Variants in COL16A1 observed in about 807,000 individuals in gnomAD.
COL16A1 encodes the protein collagen type XVI alpha 1 chain, also known as collagen alpha-1(XVI) chain.
In COL16A1, 189 loss-of-function variants were observed where a neutral mutation model predicts 266.3. That is an observed-to-expected ratio of 0.71 (90% CI 0.63 to 0.80). The LOEUF (loss-of-function observed/expected upper bound fraction) is 0.80. Ranked by LOEUF, COL16A1 falls within the 30% of genes least tolerant of loss-of-function variation. The pLI, the probability that COL16A1 is intolerant of heterozygous loss-of-function variation, is 0.00. For synonymous variants in COL16A1, 740 were observed against 782.3 expected (o/e 0.95, Z 0.90); for missense variants, 1,928 against 2,122.4 (o/e 0.91, Z 1.80).
In COL16A1 at chr1:31,685,987, C is replaced by A; in HGVS notation, c.1884+104G>T. The stretch of plus-strand genomic sequence containing the variant: ...GCCTTGCTAAGGAGTCAGACTCTGC[C>A]CGACAGACAGCAAGGAGCCCCAGAG... On this transcript the variant is annotated intron_variant, in intron 28 of 70. Coordinates refer to ENST00000373672, the MANE Select transcript of COL16A1 (RefSeq NM_001856.4). This position sits in a 1 kb window ranked among gnomAD's most constrained non-coding sequence, Gnocchi z 4.0. The A allele has an allele frequency of 1.3e-6, 2 of 1,547,624 alleles. No individual in the cohort carries two copies. The highest frequency in any genetic ancestry group is 1.8e-5 in the Admixed American group (1 of 54,294).
intron 55 of COL16A1, 37 bp downstream of exon 55, chr1:31,665,546 C>T: frequency 3.7e-6 from 6 of 1,614,108 alleles, no homozygotes; most frequent in Non-Finnish European, 5.1e-6. Context: ...GATGAGACCA[C>T]ATCAGACAGA....
rs1411135098 is a variant in COL16A1 at position 31,652,771 on chromosome 1, G to A, written c.4695C>T (p.Pro1565=). 6.2e-7 allele frequency: 1 copy of A among 1,600,978 alleles called. No individual in the cohort carries two copies. The highest frequency in any genetic ancestry group is 8.5e-7 in the Non-Finnish European group (1 of 1,176,226). Residue 1565 remains proline (P), a synonymous_variant, in exon 71 of 71, where the codon CCC becomes CCT. Coordinates refer to ENST00000373672, the MANE Select transcript of COL16A1 (RefSeq NM_001856.4). The surrounding 1 kb of genome is among the most constrained non-coding windows in gnomAD (Gnocchi z 4.8). The part of the protein sequence containing the change: ...GQQGIPGIPG[P]PGPMGQPGKA... ...TGCCTGGCTGGCCCATGGGACCCGGGGGCCCAGGGATGCCAGGGATGCCTT... is the reference window on the plus strand; with the variant it reads ...TGCCTGGCTGGCCCATGGGACCCGGAGGCCCAGGGATGCCAGGGATGCCTT...
chr1:31,654,905 G>A, intron 67 of COL16A1, 47 bp from the exon 68 acceptor site: 1 of 1,608,722 alleles, frequency 6.2e-7, no homozygotes, highest in Non-Finnish European at 8.5e-7. Flanking sequence ...TCCAAGCCTG[G>A]CATTTTCCCC....
chr1:31,686,489 A>C, intron 26 of COL16A1: 1 of 719,368 alleles, frequency 1.4e-6, no homozygotes, highest in Non-Finnish European at 2.5e-6. Context: ...GCTTCACCTC[A>C]TGGAATCCAG....
rs1348760275 is a variant in COL16A1 at position 31,657,488 on chromosome 1, G to A, written c.4021-420C>T. On this transcript the variant is annotated intron_variant, in intron 64 of 70. Coordinates refer to ENST00000373672, the MANE Select transcript of COL16A1 (RefSeq NM_001856.4). The surrounding 1 kb of genome is among the most constrained non-coding windows in gnomAD (Gnocchi z 6.4). ...GCTGCTGGGGAAGAGGACTCTGATT[G>A]CTAGGCAAGTGGGAGATTCATCCAG... 2 of 184,228 alleles carry A rather than the reference G, an allele frequency of 1.1e-5. No individual in the cohort carries two copies. The highest frequency in any genetic ancestry group is 2.7e-4 in the South Asian group (2 of 7,450). 11.4% of individuals were successfully genotyped at this position (184,228 alleles called of 1,614,324 possible). A position where few individuals can be genotyped will look rare whatever the true frequency, so the allele number is the denominator to read the frequency against.
At chr1:31,666,471 TCTC>T (rs925837243) in intron 52 of COL16A1, 50 of 251,464 alleles carry the variant, frequency 2.0e-4, no homozygotes, top group Middle Eastern at 1.3e-3. Flanking sequence ...CCTTCCCACT[TCTC>T]CTCCCTCTCT....
In COL16A1 at chr1:31,672,535, G is replaced by C. The variant is rs780365653; in HGVS notation, c.3019-33C>G. 4 of 1,613,886 alleles carry C rather than the reference G, an allele frequency of 2.5e-6. No homozygotes were observed. The South Asian group carries it at 3.3e-5, about 13-fold the overall frequency. ...AGGATGGAGACGGTGATAGTGAGCA[G>C]TCAGGGCCTGTCCCTGTGGGGCATG... On this transcript the variant is annotated intron_variant, in intron 46 of 70. Transcript: ENST00000373672.
chr1:31,662,823 A>C, intron 56 of COL16A1, 165 bp from the exon 57 acceptor site: 1 of 656,754 alleles, frequency 1.5e-6, no homozygotes, highest in Non-Finnish European at 2.6e-6. Flanking sequence ...TATGTGCCAC[A>C]CGTCGCCTCC....
In COL16A1 at chr1:31,684,061, GA is replaced by G. The variant is rs1321821007; in HGVS notation, c.2283+47del. On this transcript the variant is annotated intron_variant, in intron 32 of 70. Transcript: ENST00000373672. Reference sequence around the variant, plus strand: ...ACAGGAGAAAGGGGGACAGGAGGGAGAGGAGGCAAAGCCCAGGCAGGGAAGG... The same window carrying G: ...ACAGGAGAAAGGGGGACAGGAGGGAGGGAGGCAAAGCCCAGGCAGGGAAGG... 4.3e-6 allele frequency: 7 copies of G among 1,613,136 alleles called. No individual in the cohort carries two copies. In the African/African-American group the frequency reaches 9.3e-5, roughly 22 times the overall value.
rs1353169974 is a variant in COL16A1, at chr1:31,666,050, G to T, written c.3389C>A (p.Pro1130His). ...GPPGSEGLPG[P>H]PGPAGPRGER... is the part of the protein sequence containing the mutation. Reference sequence around the variant, plus strand: ...TCCTTCACTCACCGCTGGGCCTGGGGGGCCTGGGAGGCCTTCAGATCCTGG... The same window carrying T: ...TCCTTCACTCACCGCTGGGCCTGGGTGGCCTGGGAGGCCTTCAGATCCTGG... The change falls in exon 53 of 71, where the codon CCC (proline) becomes CAC (histidine). Residue 1130 changes from proline to histidine, a missense_variant. Physicochemically the swap from Pro to His is moderately conservative, Grantham distance 77. This residue lies in a region of COL16A1 where 1,552 missense variants were observed against 1,637.2 expected (regional missense o/e 0.95). Coordinates refer to ENST00000373672, the MANE Select transcript of COL16A1 (RefSeq NM_001856.4). 2 of 1,613,036 alleles carry T rather than the reference G, an allele frequency of 1.2e-6. No homozygotes were observed. Among genetic ancestry groups the T allele is most frequent in the Non-Finnish European group, 8.5e-7 (1 of 1,179,724 alleles).
chr1:31,681,120 TCTGGCCTGCTG>T, intron 37 of COL16A1, 53 bp from the exon 38 acceptor site: 1 of 1,562,884 alleles, frequency 6.4e-7, no homozygotes, highest in South Asian at 1.2e-5. Flanking sequence ...CGGCCAGCCA[TCTGGCCTGCTG>T]CAGAAAAGGG....
At chr1:31,683,572 CT>C in intron 34 of COL16A1, 134 bp downstream of exon 34, 1 of 1,581,092 alleles carries the variant, frequency 6.3e-7, no homozygotes, top group Non-Finnish European at 8.6e-7. Flanking sequence ...GGGCTGCGGC[CT>C]GATCCCTGGT....
intron 2 of COL16A1, among the ~76,000 whole-genome samples, chr1:31,701,061 G>A (rs1378196238): frequency 6.6e-6 from 1 of 152,168 alleles, no homozygotes. Flanking sequence ...GGGAGAAGAC[G>A]GTGAAGACAG....
At chr1:31,660,883 C>CAGTTACAACCCTTAATAGGAGGGAGAA (rs1641596718) in intron 61 of COL16A1, among the ~76,000 whole-genome samples, 183 bp downstream of exon 61, 1 of 152,250 alleles carries the variant, frequency 6.6e-6, no homozygotes, top group Non-Finnish European at 1.5e-5. Flanking sequence ...GGAGCAGAAC[C>CAGTTACAACCCTTAATAGGAGGGAGAA]AGTTACAACC....
In COL16A1 at chr1:31,655,209, C is replaced by G. The variant is rs1333532071; in HGVS notation, c.4290+105G>C. ...AGAGCTGCCCTCTATGGGAGCCAGGCTCTTTCCCACAGAATGTCAGCAGGA... is the reference window on the plus strand; with the variant it reads ...AGAGCTGCCCTCTATGGGAGCCAGGGTCTTTCCCACAGAATGTCAGCAGGA... On this transcript the variant is annotated intron_variant, in intron 67 of 70. Coordinates refer to ENST00000373672, the MANE Select transcript of COL16A1 (RefSeq NM_001856.4). The G allele has an allele frequency of 3.3e-6, 5 of 1,500,244 alleles. No homozygotes were observed. In the Admixed American group the frequency reaches 1.2e-4, roughly 35 times the overall value. The allele number at this position is 1,500,244 out of a possible 1,614,324, so 92.9% of individuals were successfully genotyped here. A position where few individuals can be genotyped will look rare whatever the true frequency, so the allele number is the denominator to read the frequency against.
In COL16A1 at chr1:31,688,026, C is replaced by T. The variant is rs920015241; in HGVS notation, c.1803+441G>A. On this transcript the variant is annotated intron_variant, in intron 26 of 70. Coordinates refer to ENST00000373672, the MANE Select transcript of COL16A1 (RefSeq NM_001856.4). This position sits in a 1 kb window ranked among gnomAD's most constrained non-coding sequence, Gnocchi z 4.9. ...CTTCCTGGGCTCAATCCCAGCTCTGCATCCAATCACCTGGCAATTTACTTG... is the reference window on the plus strand; with the variant it reads ...CTTCCTGGGCTCAATCCCAGCTCTGTATCCAATCACCTGGCAATTTACTTG... 6.6e-6 allele frequency among the ~76,000 whole-genome samples: 1 copy of T among 152,202 alleles called. No homozygotes were observed. Among genetic ancestry groups the T allele is most frequent in the African/African-American group, 2.4e-5 (1 of 41,446 alleles).
chr1:31,702,970 C>T (rs1473684613), intron 1 of COL16A1, among the ~76,000 whole-genome samples: 1 of 152,162 alleles, frequency 6.6e-6, no homozygotes, highest in African/African-American at 2.4e-5. Context: ...GCCAGCAGAG[C>T]CATACATCGT....
chr1:31,691,058 G>T, intron 20 of COL16A1, 130 bp downstream of exon 20: 1 of 1,437,850 alleles, frequency 7.0e-7, no homozygotes, highest in Non-Finnish European at 9.4e-7. Context: ...GCCGAGCCCA[G>T]CCTCCTCCTC....
intron 20 of COL16A1, among the ~76,000 whole-genome samples, 160 bp from the exon 21 acceptor site, chr1:31,690,733 C>T (rs1644226335): frequency 1.3e-5 from 2 of 152,142 alleles, no homozygotes; most frequent in South Asian, 2.1e-4. Context: ...GCCTGCCCTC[C>T]GTGTCTAACC....
Sources: allele counts gnomAD v4.1 joint callset (sites outside exome capture counted in the v4.1 genomes callset), GRCh38; gene constraint gnomAD v4.1.1; regional missense constraint gnomAD v4.1.1; non-coding constraint Gnocchi (gnomAD v3.1); transcripts MANE v1.5; gene names NCBI Gene and HGNC (gene_info 2026-07-23, HGNC 2026-07-21).